The following WNT16 variants were observed in gnomAD, a reference collection of about 807,000 sequenced individuals.
WNT16 encodes protein Wnt-16.
WNT16 carries 20 observed loss-of-function variants against 35.4 expected under a neutral mutation model. The ratio of observed to expected loss-of-function variants is 0.56; its 90% CI spans 0.40 to 0.82. The LOEUF (loss-of-function observed/expected upper bound fraction) is 0.82. WNT16 is among the 40% of genes least tolerant of loss of function. The pLI is 0.00. For missense variants in WNT16, 461 were observed against 466.0 expected, an observed-to-expected ratio of 0.99 and a Z score of 0.10; for synonymous variants, 180 against 179.2, an observed-to-expected ratio of 1.00 and a Z score of -0.03.
chr7:121,332,710 A>G (rs191755793), intron 3 of WNT16, among the ~76,000 whole-genome samples: 191 of 152,238 alleles, frequency 1.3e-3, no homozygotes, highest in African/African-American at 4.4e-3. Context: ...TTATTTTATT[A>G]TAAAGCAATG....
chr7:121,325,575 T>G (rs1793231849), upstream of WNT16: 4 of 1,287,480 alleles, frequency 3.1e-6, no homozygotes, highest in South Asian at 5.9e-5. Flanking sequence ...TAGACACCAG[T>G]AAAAAATTTT....
chr7:121,325,436 C>T (rs1584672964), upstream of WNT16: 1 of 1,613,808 alleles, frequency 6.2e-7, no homozygotes, highest in South Asian at 1.1e-5. Context: ...CCACTTGCCT[C>T]AGGGAGACCC....
chr7:121,329,444 C>A, intron 1 of WNT16, 57 bp downstream of exon 1: 11 of 1,592,312 alleles, frequency 6.9e-6, no homozygotes, highest in Middle Eastern at 1.7e-4. Flanking sequence ...GTGCCCAATC[C>A]TAGGGAACTT....
chr7:121,327,977 G>C (rs575666586), upstream of WNT16, among the ~76,000 whole-genome samples: 46 of 152,222 alleles, frequency 3.0e-4, no homozygotes, highest in Middle Eastern at 3.4e-3. Context: ...CTCTCTTACT[G>C]ATCATCTAAA....
At chr7:121,330,405 C>T (rs977447904) in intron 2 of WNT16, among the ~76,000 whole-genome samples, 2 of 152,266 alleles carry the variant, frequency 1.3e-5, no homozygotes, top group African/African-American at 4.8e-5. Flanking sequence ...TCTATCTTTC[C>T]CTCCTCGGCG....
chr7:121,329,789 C>A lies in WNT16; in HGVS notation c.318C>A (p.Ser106Arg). 1 of 1,606,198 alleles carries A rather than the reference C, an allele frequency of 6.2e-7. No individual in the cohort carries two copies. Among genetic ancestry groups the A allele is most frequent in the Non-Finnish European group, 8.5e-7 (1 of 1,179,990 alleles). Residue 106 changes from serine to arginine, a missense_variant, in exon 2 of 4, where the codon AGC becomes AGA. Transcript: ENST00000222462. ...CCACTACCGCCCCGATGGGCGCCAGCCCCCTCTTTGGCTACGAGCTGAGCA... is the reference window on the plus strand; with the variant it reads ...CCACTACCGCCCCGATGGGCGCCAGACCCCTCTTTGGCTACGAGCTGAGCA... The part of the protein sequence containing the change: ...AAATTAPMGA[S>R]PLFGYELSSG...
chr7:121,329,158 CT>C lies in WNT16; in HGVS notation c.-131del, dbSNP rs1793292248. 2 of 1,421,494 alleles carry C rather than the reference CT, an allele frequency of 1.4e-6. No individual in the cohort carries two copies. The highest frequency in any genetic ancestry group is 2.9e-5 in the African/African-American group (2 of 69,500). The allele number at this position is 1,421,494 out of a possible 1,614,324, so 88.1% of individuals were successfully genotyped here. A position where few individuals can be genotyped will look rare whatever the true frequency, so the allele number is the denominator to read the frequency against. On this transcript the variant is annotated 5_prime_UTR_variant, in exon 1 of 4. The change abolishes the stop of an existing upstream ORF in the 5' untranslated region. Coordinates refer to ENST00000222462, the MANE Select transcript of WNT16 (RefSeq NM_057168.2). Reference sequence around the variant, plus strand: ...GCTGAGAGTCCCTATCACTGCTGGCCTTTTAATGTTGTATGCAAGGAGGAAG... The same window carrying C: ...GCTGAGAGTCCCTATCACTGCTGGCCTTTAATGTTGTATGCAAGGAGGAAG...
rs370075285 is a variant in WNT16, at chr7:121,338,919, C to T, written c.672C>T (p.His224=). The stretch of plus-strand genomic sequence containing the variant: ...TGATGTCAGTAGACTGCCGCTGCCA[C>T]GGAGTTTCCGGCTCCTGTGCTGTGA... The part of the protein sequence containing the change: ...AKLMSVDCRC[H]GVSGSCAVKT... The change falls in exon 4 of 4, where the codon CAC becomes CAT. Residue 224 remains histidine (H), a synonymous_variant. Coordinates refer to ENST00000222462, the MANE Select transcript of WNT16 (RefSeq NM_057168.2). 24 of 1,613,850 alleles carry T rather than the reference C, an allele frequency of 1.5e-5. No individual in the cohort carries two copies. The highest frequency in any genetic ancestry group is 5.3e-5 in the African/African-American group (4 of 74,926).
intron 2 of WNT16, among the ~76,000 whole-genome samples, chr7:121,330,157 G>C (rs2116832357): frequency 6.6e-6 from 1 of 152,338 alleles, no homozygotes; most frequent in Non-Finnish European, 1.5e-5. Flanking sequence ...TGACCAGCTG[G>C]AGAAACATGA....
upstream of WNT16, chr7:121,328,927 A>T: frequency 5.9e-6 from 4 of 674,192 alleles, no homozygotes; most frequent in Non-Finnish European, 7.5e-6. Context: ...CTGCTCAGCC[A>T]ATCAGGCTCC....
At chr7:121,332,338 G>A (rs989224235) in intron 3 of WNT16, among the ~76,000 whole-genome samples, 1 of 151,788 alleles carries the variant, frequency 6.6e-6, no homozygotes, top group East Asian at 1.9e-4. Context: ...CACAATTTTG[G>A]TTCTCTAACT....
At chr7:121,333,815 A>T (rs1380876443) in intron 3 of WNT16, among the ~76,000 whole-genome samples, 1 of 152,034 alleles carries the variant, frequency 6.6e-6, no homozygotes, top group Non-Finnish European at 1.5e-5. Context: ...TTTTTAATAA[A>T]CTAGAAATTC....
In WNT16 at chr7:121,339,035, C is replaced by T. The variant is rs2707466; in HGVS notation, c.788C>T (p.Thr263Ile). 734,239 of 1,613,634 alleles carry T rather than the reference C, an allele frequency of 0.46. 175,418 individuals are homozygous for T. Among genetic ancestry groups the T allele is most frequent in the African/African-American group, 0.84 (62,619 of 74,990 alleles). The change falls in exon 4 of 4, where the codon ACA (threonine) becomes ATA (isoleucine). Residue 263 changes from threonine (T) to isoleucine (I), a missense_variant. By Grantham distance (89) the Thr-to-Ile change is moderately conservative (BLOSUM62 -1). Transcript: ENST00000222462. ...YENSIQISDK[T>I]KRKMRRREKD... The stretch of plus-strand genomic sequence containing the variant: ...AACAGTATCCAGATATCAGACAAAA[C>T]AAAGAGGAAAATGCGCAGGAGAGAA...
rs1046643988 is a variant in WNT16 at position 121,339,477 on chromosome 7, A to C, written c.*132A>C. On this transcript the variant is annotated 3_prime_UTR_variant, in exon 4 of 4. Transcript: ENST00000222462. ...GAATCCCTAGAACCTTGGACCTGAG[A>C]GTTTCCCTTACCTGATCGACATATT... 2.9e-6 allele frequency: 2 copies of C among 691,054 alleles called. No homozygotes were observed. Among genetic ancestry groups the C allele is most frequent in the Admixed American group, 3.0e-5 (1 of 32,952 alleles). The allele number at this position is 691,054 out of a possible 1,614,324, so 42.8% of individuals were successfully genotyped here. A position where few individuals can be genotyped will look rare whatever the true frequency, so the allele number is the denominator to read the frequency against.
intron 3 of WNT16, among the ~76,000 whole-genome samples, chr7:121,334,392 C>CA (rs1214417404): frequency 6.6e-5 from 10 of 151,008 alleles, no homozygotes; most frequent in African/African-American, 1.7e-4. Context: ...CTGTTGCTGG[C>CA]AAAAAAACAA....
intron 3 of WNT16, among the ~76,000 whole-genome samples, chr7:121,335,139 T>C (rs1305420073): frequency 6.6e-6 from 1 of 152,110 alleles, no homozygotes; most frequent in Non-Finnish European, 1.5e-5. Flanking sequence ...GATCATCTGA[T>C]AGTTGAGAAA....
chr7:121,326,320 C>T (rs1793243595), upstream of WNT16, among the ~76,000 whole-genome samples: 1 of 152,206 alleles, frequency 6.6e-6, no homozygotes, highest in African/African-American at 2.4e-5. Flanking sequence ...GAAAAATCTG[C>T]TTCCTCAGCT....
chr7:121,329,457 A>C, intron 1 of WNT16, 70 bp downstream of exon 1: 1 of 1,589,908 alleles, frequency 6.3e-7, no homozygotes, highest in African/African-American at 1.3e-5. Flanking sequence ...GGGAACTTTC[A>C]ACTGAGGCTG....
upstream of WNT16, among the ~76,000 whole-genome samples, chr7:121,328,769 G>A (rs1793281766): frequency 1.3e-5 from 2 of 152,280 alleles, no homozygotes; most frequent in African/African-American, 2.4e-5. Flanking sequence ...ACAACGACCC[G>A]TTCTAAGGAG....
Sources: gnomAD v4.1 joint callset for allele counts (sites outside exome capture counted in the v4.1 genomes callset) on GRCh38, gnomAD v4.1.1 for gene constraint, MANE v1.5 for transcripts, NCBI Gene and HGNC (gene_info 2026-07-23, HGNC 2026-07-21) for gene names.